SETDB2: variants seen among roughly 807,000 people sequenced by gnomAD.
The protein encoded by SETDB2 is SET domain bifurcated histone lysine methyltransferase 2.
In SETDB2, 56 loss-of-function variants were observed where a neutral mutation model predicts 82.5. The observed-to-expected ratio is 0.68, with a 90% confidence interval of 0.55 to 0.85. The LOEUF (loss-of-function observed/expected upper bound fraction) is 0.85, where lower values mean the gene tolerates loss of function less well. SETDB2 is among the 40% of genes least tolerant of loss of function. The probability of loss-of-function intolerance (pLI) is 0.00; values close to 1 mark genes in which losing one functional copy is unlikely to be tolerated. For missense variants in SETDB2, 677 were observed against 816.4 expected, an observed-to-expected ratio of 0.83 and a Z score of 2.08; for synonymous variants, 272 against 284.9, an observed-to-expected ratio of 0.95 and a Z score of 0.46.
At position 49,480,340 on chromosome 13, in the gene SETDB2, G is replaced by A. The variant is rs1958452984; in HGVS notation, c.986+5G>A. On this transcript the variant is annotated splice_donor_5th_base_variant and intron_variant, in intron 7 of 13. Transcript: ENST00000611815. ...ACAGAGACAGATTCCTACTGGGTAA[G>A]GTACCTTGAGGATTTGTTGCAGGGT... 5.2e-6 allele frequency: 8 copies of A among 1,544,736 alleles called. No homozygotes were observed. The highest frequency in any genetic ancestry group is 7.0e-6 in the Non-Finnish European group (8 of 1,137,328).
chr13:49,453,165 A>G (rs929374223), intron 2 of SETDB2, among the ~76,000 whole-genome samples: 1 of 152,072 alleles, frequency 6.6e-6, no homozygotes, highest in African/African-American at 2.4e-5. Flanking sequence ...TATTCAGTTA[A>G]TCATTTATAT....
chr13:49,454,879 G>C (rs937896902), intron 2 of SETDB2, among the ~76,000 whole-genome samples: 1 of 151,490 alleles, frequency 6.6e-6, no homozygotes, highest in Non-Finnish European at 1.5e-5. Flanking sequence ...TTTTTTTTTG[G>C]TCTCAGGATG....
At chr13:49,463,921 G>A in intron 4 of SETDB2, 1 of 698,172 alleles carries the variant, frequency 1.4e-6, no homozygotes, top group South Asian at 1.5e-5. Context: ...CTGGGTCTGG[G>A]CTGTGCCTAT....
intron 5 of SETDB2, among the ~76,000 whole-genome samples, chr13:49,469,042 T>C (rs1230467596): frequency 6.6e-6 from 1 of 152,194 alleles, no homozygotes; most frequent in African/African-American, 2.4e-5. Context: ...ATTTTAAACT[T>C]AAATGCAGGA....
intron 5 of SETDB2, 89 bp downstream of exon 5, chr13:49,468,049 A>C: frequency 1.1e-6 from 1 of 892,226 alleles, no homozygotes; most frequent in Non-Finnish European, 1.6e-6. Context: ...GATGAAATAT[A>C]CAAAAAAATT....
chr13:49,482,093 A>T (rs1958491254), intron 8 of SETDB2: 1 of 985,306 alleles, frequency 1.0e-6, no homozygotes, highest in Admixed American at 6.1e-5. Flanking sequence ...TAACTCTTGG[A>T]TGAAAGCTAC....
chr13:49,466,907 T>C (rs569468508), intron 4 of SETDB2, among the ~76,000 whole-genome samples: 2 of 151,862 alleles, frequency 1.3e-5, no homozygotes, highest in East Asian at 3.9e-4. Flanking sequence ...CTTCCCACTT[T>C]ATCCTTCCAA....
At chr13:49,478,397 A>G (rs1157943181) in intron 6 of SETDB2, among the ~76,000 whole-genome samples, 1 of 152,238 alleles carries the variant, frequency 6.6e-6, no homozygotes, top group Non-Finnish European at 1.5e-5. Flanking sequence ...CCTTGTTAAC[A>G]GCTGTAAAAC....
chr13:49,465,222 A>G (rs1330398166), intron 4 of SETDB2, among the ~76,000 whole-genome samples: 1 of 152,074 alleles, frequency 6.6e-6, no homozygotes, highest in Non-Finnish European at 1.5e-5. Flanking sequence ...AATTATGTTT[A>G]TTTTTCTTGA....
intron 9 of SETDB2, among the ~76,000 whole-genome samples, chr13:49,483,187 T>C (rs887079069): frequency 1.3e-5 from 2 of 152,172 alleles, no homozygotes; most frequent in Non-Finnish European, 2.9e-5. Context: ...TTTAGTCAGG[T>C]TTTTTATGGA....
Position 49,447,731 on chromosome 13 carries a change from G to A in SETDB2, c.-342+2874G>A, listed in dbSNP as rs1195281496. Among the ~76,000 whole-genome samples, 10 of 152,012 alleles carry A rather than the reference G, an allele frequency of 6.6e-5. No homozygotes were observed. In the East Asian group the frequency reaches 1.9e-3, roughly 29 times the overall value. ...AGGTATTCTTGGGATAAACTATTTT[G>A]GTAATACATTCTTATTCTACTGCTG... is the stretch of plus-strand genomic sequence containing the variant. On this transcript the variant is annotated intron_variant, in intron 1 of 13. Coordinates refer to ENST00000611815, the MANE Select transcript of SETDB2 (RefSeq NM_001160308.3).
chr13:49,477,858 T>C (rs1030799117), intron 6 of SETDB2, among the ~76,000 whole-genome samples: 1 of 152,236 alleles, frequency 6.6e-6, no homozygotes, highest in Non-Finnish European at 1.5e-5. Flanking sequence ...GCTAATGTGA[T>C]GCTTATAACT....
intron 1 of SETDB2, among the ~76,000 whole-genome samples, chr13:49,450,763 C>T (rs751384266): frequency 1.1e-4 from 17 of 151,988 alleles, no homozygotes; most frequent in Non-Finnish European, 1.9e-4. Flanking sequence ...AGTATCTTGA[C>T]TAACATCTTG....
intron 4 of SETDB2, among the ~76,000 whole-genome samples, chr13:49,462,567 G>A (rs568186331): frequency 6.6e-6 from 1 of 152,118 alleles, no homozygotes; most frequent in Non-Finnish European, 1.5e-5. Context: ...ACTTTAAAAA[G>A]AAAAACTGAG....
chr13:49,489,758 G>A (rs1216087071), intron 12 of SETDB2, among the ~76,000 whole-genome samples: 1 of 150,406 alleles, frequency 6.6e-6, no homozygotes, highest in African/African-American at 2.4e-5. Context: ...ACCATGCCTG[G>A]CTAATTTTTG....
intron 1 of SETDB2, chr13:49,445,936 CAA>C (rs34496594): frequency 2.5e-4 from 33 of 130,652 alleles, no homozygotes; most frequent in South Asian, 1.1e-3. Context: ...GACTCCGTCT[CAA>C]AAAAAAAAAA....
rs955087424 is a variant in SETDB2 at position 49,444,309 on chromosome 13, G to A, written c.-890G>A. ...CCTTCCCTCATCCCCGGTAGAGGCA[G>A]GGCGGGACTGTTGTGGTTGAGATGA... On this transcript the variant is annotated 5_prime_UTR_variant, in exon 1 of 14. Transcript: ENST00000611815. 6.2e-6 allele frequency: 2 copies of A among 321,408 alleles called. No individual in the cohort carries two copies. Among genetic ancestry groups the A allele is most frequent in the African/African-American group, 2.2e-5 (1 of 45,332 alleles). The allele number at this position is 321,408 out of a possible 1,614,324, so 19.9% of individuals were successfully genotyped here. A position where few individuals can be genotyped will look rare whatever the true frequency, so the allele number is the denominator to read the frequency against.
intron 10 of SETDB2, among the ~76,000 whole-genome samples, chr13:49,484,415 G>A (rs1007929510): frequency 1.3e-5 from 2 of 152,058 alleles, no homozygotes; most frequent in Admixed American, 1.3e-4. Context: ...GATTACAGGT[G>A]CCTGCCACCA....
intron 2 of SETDB2, among the ~76,000 whole-genome samples, chr13:49,457,215 CTT>C (rs573356682): frequency 1.2e-5 from 1 of 81,000 alleles, no homozygotes. Flanking sequence ...ATTTCTAAGA[CTT>C]TTTTTTTTTT....
Sources: gnomAD v4.1 joint callset for allele counts (sites outside exome capture counted in the v4.1 genomes callset) on GRCh38, gnomAD v4.1.1 for gene constraint, MANE v1.5 for transcripts, NCBI Gene and HGNC (gene_info 2026-07-23, HGNC 2026-07-21) for gene names.